Variants in TMEM74 observed in about 807,000 individuals in gnomAD.
TMEM74 encodes the protein transmembrane protein 74.
TMEM74 carries 13 observed loss-of-function variants against 18.1 expected under a neutral mutation model. The ratio of observed to expected loss-of-function variants is 0.72; its 90% CI spans 0.47 to 1.14. TMEM74 has a LOEUF of 1.14. TMEM74 is among the 50% of genes most tolerant of loss of function. TMEM74 has a pLI of 0.00. For missense variants in TMEM74, 372 were observed against 375.9 expected, an observed-to-expected ratio of 0.99 and a Z score of 0.09; for synonymous variants, 159 against 146.6, an observed-to-expected ratio of 1.08 and a Z score of -0.61.
chr8:108,784,835 T>C lies in TMEM74; in HGVS notation c.264A>G (p.Ser88=), dbSNP rs1370296238. Residue 88 remains serine (S), a synonymous_variant, in exon 2 of 2, where the codon TCA becomes TCG. Transcript: ENST00000297459. The part of the protein sequence containing the change: ...PDAFPPGLLH[S]GNNQITAERK... ...GTTCCGCTGTTATTTGGTTGTTCCC[T>C]GAGTGGAGAAGTCCTGGTGGAAAGG... is the stretch of plus-strand genomic sequence containing the variant. The C allele has an allele frequency of 6.2e-7, 1 of 1,614,218 alleles. No individual in the cohort carries two copies.
chr8:108,693,972 T>A (rs1373356868), intron 1 of TMEM74, among the ~76,000 whole-genome samples: 1 of 152,240 alleles, frequency 6.6e-6, no homozygotes, highest in Non-Finnish European at 1.5e-5. Context: ...CATATATTCT[T>A]TCAAAAGGAA....
intron 1 of TMEM74, among the ~76,000 whole-genome samples, chr8:108,705,968 A>G (rs1263506661): frequency 1.3e-5 from 2 of 152,190 alleles, no homozygotes; most frequent in Non-Finnish European, 2.9e-5. Context: ...TTTGCTATCA[A>G]AATTCCAAAC....
chr8:108,642,169 C>T lies in TMEM74; in HGVS notation n.264+13124G>A, dbSNP rs963044092. The stretch of plus-strand genomic sequence containing the variant: ...ATTCTAGCACTTTGGGAGGCTGACG[C>T]GGGTGGATTGCCTTAGATCAGGAGT... On this transcript the variant is annotated intron_variant and non_coding_transcript_variant, in intron 2 of 3. Coordinates refer to the TMEM74 transcript ENST00000518838. Among the ~76,000 whole-genome samples, 12 of 152,068 alleles carry T rather than the reference C, an allele frequency of 7.9e-5. No homozygotes were observed. In the South Asian group the frequency reaches 8.3e-4, roughly 11 times the overall value.
exon 4 of TMEM74, chr8:108,607,289 A>G (rs778212651): frequency 5.3e-5 from 8 of 152,236 alleles, no homozygotes; most frequent in Non-Finnish European, 7.3e-5. Context: ...TTTGAAAAAT[A>G]TAATCTAACT....
At chr8:108,608,117 C>T (rs956950690) in intron 3 of TMEM74, among the ~76,000 whole-genome samples, 4 of 151,906 alleles carry the variant, frequency 2.6e-5, no homozygotes, top group Admixed American at 2.6e-4. Flanking sequence ...GCCTGACCAA[C>T]ATGGGGAAAC....
chr8:108,752,653 C>T (rs3019373), intron 1 of TMEM74, among the ~76,000 whole-genome samples: 47,699 of 151,880 alleles, frequency 0.31, 7,725 homozygotes, highest in East Asian at 0.4. Flanking sequence ...TGATTTTTCT[C>T]TGGATTCTTA....
At chr8:108,756,599 A>AGAAAGGAAGGAAGG in intron 1 of TMEM74, among the ~76,000 whole-genome samples, 1 of 51,552 alleles carries the variant, frequency 1.9e-5, no homozygotes, top group East Asian at 6.1e-4. Flanking sequence ...AAAGAAAGAG[A>AGAAAGGAAGGAAGG]AAGGAAGGAA....
At chr8:108,766,387 C>T (rs936404112) in intron 1 of TMEM74, among the ~76,000 whole-genome samples, 7 of 152,026 alleles carry the variant, frequency 4.6e-5, no homozygotes, top group Non-Finnish European at 8.8e-5. Flanking sequence ...ATTGAAGTTT[C>T]CAAGCCAAAA....
exon 4 of TMEM74, chr8:108,607,092 A>G (rs1245615424): frequency 6.6e-6 from 1 of 152,228 alleles, no homozygotes; most frequent in Admixed American, 6.5e-5. Flanking sequence ...ACAGTGCAGT[A>G]ATCTTGGGGT....
At chr8:108,607,444 G>A (rs935420810) in exon 4 of TMEM74, 1 of 152,134 alleles carries the variant, frequency 6.6e-6, no homozygotes, top group African/African-American at 2.4e-5. Flanking sequence ...CAAACATATA[G>A]ACTAACATTT....
In TMEM74 at chr8:108,779,242, G is replaced by A. The variant is rs550657084; in HGVS notation, c.*4939C>T. Among the ~76,000 whole-genome samples the A allele has an allele frequency of 2.6e-5, 4 of 152,172 alleles. No homozygotes were observed. The highest frequency in any genetic ancestry group is 2.0e-4 in the Admixed American group (3 of 15,280). On this transcript the variant is annotated 3_prime_UTR_variant, in exon 2 of 2. Coordinates refer to ENST00000297459, the MANE Select transcript of TMEM74 (RefSeq NM_153015.3). ...ATGTCAAATTATTTTTGTTTGGCAA[G>A]AAAAGTAAAATTAACAGCACGATGA...
At chr8:108,655,607 C>A (rs1812813851) in intron 1 of TMEM74, among the ~76,000 whole-genome samples, 1 of 152,100 alleles carries the variant, frequency 6.6e-6, no homozygotes, top group Admixed American at 6.6e-5. Flanking sequence ...CATGGAAATT[C>A]TCTTTTACTC....
intron 1 of TMEM74, among the ~76,000 whole-genome samples, chr8:108,660,679 G>GACTTAA (rs1812891560): frequency 6.6e-6 from 1 of 152,116 alleles, no homozygotes; most frequent in African/African-American, 2.4e-5. Context: ...TCTATAAAAT[G>GACTTAA]ACTTAAACAC....
intron 1 of TMEM74, among the ~76,000 whole-genome samples, chr8:108,707,540 C>CAT (rs1293022332): frequency 1.3e-5 from 2 of 152,092 alleles, no homozygotes; most frequent in East Asian, 3.9e-4. Context: ...AATAAACCCA[C>CAT]ATATATATGG....
At chr8:108,777,286 A>C (rs1276866734), downstream of TMEM74, among the ~76,000 whole-genome samples, 2 of 152,178 alleles carry the variant, frequency 1.3e-5, no homozygotes, top group African/African-American at 4.8e-5. Flanking sequence ...GGCACATAGT[A>C]AGCACTCAAA....
At chr8:108,754,942 C>T (rs774197402) in intron 1 of TMEM74, among the ~76,000 whole-genome samples, 5 of 151,898 alleles carry the variant, frequency 3.3e-5, no homozygotes, top group African/African-American at 4.8e-5. Flanking sequence ...TATTCAGGCC[C>T]GCAATGAATT....
At chr8:108,721,428 TG>T (rs1298929868) in intron 1 of TMEM74, among the ~76,000 whole-genome samples, 2 of 152,246 alleles carry the variant, frequency 1.3e-5, no homozygotes, top group Non-Finnish European at 2.9e-5. Flanking sequence ...TTTCTGACCG[TG>T]GATTCTCTAA....
At chr8:108,772,676 T>C (rs1211616165) in intron 1 of TMEM74, among the ~76,000 whole-genome samples, 1 of 152,124 alleles carries the variant, frequency 6.6e-6, no homozygotes, top group Non-Finnish European at 1.5e-5. Context: ...AGCCTATTTA[T>C]TATAGATGAA....
At chr8:108,657,991 G>A (rs1438323494) in intron 1 of TMEM74, among the ~76,000 whole-genome samples, 2 of 148,054 alleles carry the variant, frequency 1.4e-5, no homozygotes, top group Non-Finnish European at 3.0e-5. Flanking sequence ...AGGAACAAGA[G>A]TCTGGTAGAC....
Sources: gnomAD v4.1 joint callset for allele counts (sites outside exome capture counted in the v4.1 genomes callset) on GRCh38, gnomAD v4.1.1 for gene constraint, MANE v1.5 for transcripts, NCBI Gene and HGNC (gene_info 2026-07-23, HGNC 2026-07-21) for gene names.